Variants in NFIB observed in about 807,000 individuals in gnomAD.
NFIB encodes the protein nuclear factor 1 B-type.
NFIB carries 11 observed loss-of-function variants against 61.5 expected under a neutral mutation model. The ratio of observed to expected loss-of-function variants is 0.18; its 90% confidence interval spans 0.11 to 0.30. NFIB has a LOEUF of 0.30. NFIB is among the 10% of genes least tolerant of loss of function. The pLI, the probability that NFIB is intolerant of heterozygous loss-of-function variation, is 1.00. For missense variants in NFIB, 471 were observed against 608.9 expected, an observed-to-expected ratio of 0.77 and a Z score of 2.38; for synonymous variants, 260 against 216.5, an observed-to-expected ratio of 1.20 and a Z score of -1.76.
the NFIB span, among the ~76,000 whole-genome samples, chr9:14,487,176 A>G: frequency 3.9e-5 from 6 of 152,216 alleles, no homozygotes; most frequent in African/African-American, 1.4e-4. Flanking sequence ...GGATTCAGAC[A>G]AGGTTTGAGC....
At chr9:14,280,410 C>A (rs1029883887) in intron 2 of NFIB, among the ~76,000 whole-genome samples, 1 of 152,088 alleles carries the variant, frequency 6.6e-6, no homozygotes, top group Non-Finnish European at 1.5e-5. Flanking sequence ...CCCCTTCAAG[C>A]CTTTACTTAA....
chr9:14,232,598 G>C (rs149482688), intron 2 of NFIB, among the ~76,000 whole-genome samples: 74 of 152,288 alleles, frequency 4.9e-4, no homozygotes, highest in African/African-American at 1.7e-3. Context: ...TGTGAGAAAC[G>C]AAGTCTGGAA....
chr9:14,353,524 C>A lies in NFIB; in HGVS notation c.108+45000G>T, dbSNP rs141459219. 2.5e-3 allele frequency among the ~76,000 whole-genome samples: 386 copies of A among 152,144 alleles called. 1 individual carries two copies. The highest frequency in any genetic ancestry group is 8.2e-3 in the African/African-American group (342 of 41,484). On this transcript the variant is annotated intron_variant, in intron 1 of 8. Transcript: ENST00000380934. ...GAGGAAGCAGAAAATGGCTTTAAGGCGAATGAAGGGGGCTGGGGAGTGGGC... is the reference window on the plus strand; with the variant it reads ...GAGGAAGCAGAAAATGGCTTTAAGGAGAATGAAGGGGGCTGGGGAGTGGGC...
chr9:14,214,524 C>A (rs1369433647), intron 2 of NFIB, among the ~76,000 whole-genome samples: 1 of 152,248 alleles, frequency 6.6e-6, no homozygotes, highest in Non-Finnish European at 1.5e-5. Flanking sequence ...CAGCTCCCAG[C>A]AGCCTAACAG....
At chr9:14,249,956 C>G (rs562356157) in intron 2 of NFIB, among the ~76,000 whole-genome samples, 3 of 152,234 alleles carry the variant, frequency 2.0e-5, no homozygotes, top group Admixed American at 2.0e-4. Flanking sequence ...TCTGACTCCC[C>G]CAAAACCCCA....
At chr9:14,458,130 C>A in the NFIB span, among the ~76,000 whole-genome samples, 1 of 152,192 alleles carries the variant, frequency 6.6e-6, no homozygotes, top group South Asian at 2.1e-4. Context: ...AAAATACTGG[C>A]AAACCAAATC....
Position 14,182,746 on chromosome 9 carries a change from G to GTT in NFIB, c.563-2967_563-2966insAA, listed in dbSNP as rs1164162239. On this transcript the variant is annotated intron_variant, in intron 2 of 10. Transcript: ENST00000380953. ...TGTGTGTGTGTGTGTGTGTGTGTGTGTGTGTGTGTGTGTATTTAATATGTT... is the reference window on the plus strand; with the variant it reads ...TGTGTGTGTGTGTGTGTGTGTGTGTGTTTGTGTGTGTGTGTATTTAATATGTT... Among the ~76,000 whole-genome samples, 136 of 149,748 alleles carry GTT rather than the reference G, an allele frequency of 9.1e-4. 1 individual carries two copies. The highest frequency in any genetic ancestry group is 3.3e-3 in the African/African-American group (132 of 40,046).
chr9:14,128,631 G>C (rs1391367448), intron 6 of NFIB, among the ~76,000 whole-genome samples: 2 of 151,668 alleles, frequency 1.3e-5, no homozygotes, highest in Non-Finnish European at 2.9e-5. Context: ...CTTGGAGGCA[G>C]GGGTTGTAGT....
intron 2 of NFIB, among the ~76,000 whole-genome samples, chr9:14,298,675 C>CTAA (rs2059583613): frequency 1.3e-5 from 2 of 151,570 alleles, no homozygotes; most frequent in Non-Finnish European, 2.9e-5. Flanking sequence ...GTGTAAAGGG[C>CTAA]GGGCTTGGGC....
At chr9:14,103,352 GA>G (rs932020841) in intron 10 of NFIB, among the ~76,000 whole-genome samples, 137 of 141,802 alleles carry the variant, frequency 9.7e-4, no homozygotes, top group African/African-American at 3.1e-3. Flanking sequence ...TGGGGGGGGG[GA>G]AACACAGTAG....
intron 1 of NFIB, among the ~76,000 whole-genome samples, chr9:14,379,018 C>A (rs1378403242): frequency 6.6e-6 from 1 of 152,180 alleles, no homozygotes; most frequent in Non-Finnish European, 1.5e-5. Context: ...CGCATTGTTG[C>A]TATCTGTATT....
chr9:14,231,049 A>G (rs1444212333), intron 2 of NFIB, among the ~76,000 whole-genome samples: 1 of 149,160 alleles, frequency 6.7e-6, no homozygotes, highest in African/African-American at 2.5e-5. Flanking sequence ...CCACTCTGTC[A>G]CTAGAACAAA....
intron 1 of NFIB, among the ~76,000 whole-genome samples, chr9:14,330,942 C>T (rs1160669470): frequency 1.3e-5 from 2 of 151,944 alleles, no homozygotes; most frequent in East Asian, 3.9e-4. Flanking sequence ...GAGTCCAGCC[C>T]CTCTGTACTG....
the NFIB span, among the ~76,000 whole-genome samples, chr9:14,479,783 G>A: frequency 6.6e-6 from 1 of 152,156 alleles, no homozygotes; most frequent in Non-Finnish European, 1.5e-5. Flanking sequence ...TCAAATGTAA[G>A]GCTTTGTTAA....
At position 14,371,251 on chromosome 9, in the gene NFIB, T is replaced by C. The variant is rs146523312; in HGVS notation, c.108+27273A>G. 4.5e-3 allele frequency among the ~76,000 whole-genome samples: 686 copies of C among 152,378 alleles called. 19 individuals carry two copies. The highest frequency in any genetic ancestry group is 0.037 in the Admixed American group (571 of 15,298). On this transcript the variant is annotated intron_variant, in intron 1 of 8. Coordinates refer to the NFIB transcript ENST00000380934. ...ACTTTTCATATCTTTTCCATCATTA[T>C]ATGTTAGCTTTGGACATGAGGTTTT...
intron 1 of NFIB, among the ~76,000 whole-genome samples, chr9:14,327,783 G>T (rs2060773286): frequency 6.6e-6 from 1 of 152,158 alleles, no homozygotes; most frequent in Non-Finnish European, 1.5e-5. Flanking sequence ...TGATAAGTCA[G>T]CTGCCCTTCT....
chr9:14,163,523 C>G (rs2044429079), intron 3 of NFIB, among the ~76,000 whole-genome samples: 1 of 151,640 alleles, frequency 6.6e-6, no homozygotes, highest in South Asian at 2.1e-4. Context: ...AAAACTTAAG[C>G]TGAATTACAA....
chr9:14,456,176 A>T, the NFIB span, among the ~76,000 whole-genome samples: 3 of 151,518 alleles, frequency 2.0e-5, no homozygotes, highest in Non-Finnish European at 4.4e-5. Flanking sequence ...ATAAAAACTG[A>T]AGTTACAAAA....
intron 6 of NFIB, among the ~76,000 whole-genome samples, chr9:14,134,897 CAAAAAAAAA>C (rs57014530): frequency 0.16 from 10,552 of 64,754 alleles, 428 homozygotes; most frequent in Middle Eastern, 0.29. Flanking sequence ...GACTCTGTCT[CAAAAAAAAA>C]AAAAAAAAAA....
Sources: gnomAD v4.1 joint callset for allele counts (sites outside exome capture counted in the v4.1 genomes callset) on GRCh38, gnomAD v4.1.1 for gene constraint, MANE v1.5 for transcripts, NCBI Gene and HGNC (gene_info 2026-07-23, HGNC 2026-07-21) for gene names.